Variants in SORCS3 observed in about 807,000 individuals in gnomAD.
SORCS3 encodes the protein VPS10 domain-containing receptor SorCS3.
SORCS3 carries 57 observed loss-of-function variants against 146.3 expected under a neutral mutation model. That is an observed-to-expected ratio of 0.39 (90% CI 0.31 to 0.49). The LOEUF (loss-of-function observed/expected upper bound fraction) is 0.49, where lower values mean the gene tolerates loss of function less well. Ranked by LOEUF, SORCS3 falls within the 20% of genes least tolerant of loss-of-function variation. SORCS3 has a pLI of 0.92. For synonymous variants in SORCS3, 653 were observed against 618.5 expected, an observed-to-expected ratio of 1.06 and a Z score of -0.83; for missense variants, 1,341 against 1,575.5, an observed-to-expected ratio of 0.85 and a Z score of 2.52.
chr10:104,699,299 G>T (rs1160023940), intron 1 of SORCS3, among the ~76,000 whole-genome samples: 2 of 152,138 alleles, frequency 1.3e-5, no homozygotes, highest in Admixed American at 6.5e-5. Flanking sequence ...AGCTCTTGAT[G>T]GGGGAGGTTC....
chr10:105,225,205 A>G (rs531328348), intron 20 of SORCS3, among the ~76,000 whole-genome samples: 2 of 152,078 alleles, frequency 1.3e-5, no homozygotes, highest in East Asian at 1.9e-4. Flanking sequence ...TAGGAGTTTT[A>G]TAGTTTTGAG....
intron 1 of SORCS3, among the ~76,000 whole-genome samples, chr10:104,737,469 T>G (rs1175193534): frequency 6.6e-6 from 1 of 152,214 alleles, no homozygotes; most frequent in African/African-American, 2.4e-5. Context: ...CTGATGGCCA[T>G]TCTAACTGGT....
At chr10:105,180,657 T>TA (rs1462332516) in intron 14 of SORCS3, among the ~76,000 whole-genome samples, 1 of 152,204 alleles carries the variant, frequency 6.6e-6, no homozygotes, top group Non-Finnish European at 1.5e-5. Flanking sequence ...TCTAAACTCA[T>TA]AGAATGGCCT....
chr10:104,658,498 T>TCTTGGCTCA (rs1197646986), intron 1 of SORCS3, among the ~76,000 whole-genome samples: 1 of 152,218 alleles, frequency 6.6e-6, no homozygotes, highest in African/African-American at 2.4e-5. Flanking sequence ...AATGGCATGA[T>TCTTGGCTCA]CTTGGCTCAC....
At chr10:105,207,567 C>T (rs1236529926) in intron 16 of SORCS3, among the ~76,000 whole-genome samples, 2 of 152,064 alleles carry the variant, frequency 1.3e-5, no homozygotes, top group Admixed American at 6.6e-5. Flanking sequence ...AATGCCTTTC[C>T]CCAGGAAGCT....
At chr10:104,771,828 T>TG (rs368860147) in intron 1 of SORCS3, among the ~76,000 whole-genome samples, 10 of 151,376 alleles carry the variant, frequency 6.6e-5, no homozygotes, top group African/African-American at 2.2e-4. Flanking sequence ...AGAAGGACGA[T>TG]GGGGGAGGGA....
chr10:104,753,076 A>G (rs780717036), intron 1 of SORCS3, among the ~76,000 whole-genome samples: 4 of 152,224 alleles, frequency 2.6e-5, no homozygotes, highest in Non-Finnish European at 5.9e-5. Context: ...TCACTGAAGT[A>G]GGAGTATGTT....
chr10:104,985,588 C>G (rs543121818), intron 4 of SORCS3, among the ~76,000 whole-genome samples: 5 of 152,070 alleles, frequency 3.3e-5, no homozygotes, highest in Non-Finnish European at 7.4e-5. Context: ...TTTACTTTGC[C>G]CAGATCCATC....
At chr10:105,111,160 G>A (rs1589637942) in intron 7 of SORCS3, among the ~76,000 whole-genome samples, 1 of 152,084 alleles carries the variant, frequency 6.6e-6, no homozygotes, top group African/African-American at 2.4e-5. Flanking sequence ...TACTGTATAT[G>A]CCTTTCTTAT....
At chr10:104,668,425 G>A (rs891326885) in intron 1 of SORCS3, among the ~76,000 whole-genome samples, 4 of 152,188 alleles carry the variant, frequency 2.6e-5, no homozygotes, top group African/African-American at 9.7e-5. Context: ...GAGTGAGAGA[G>A]ACAAGAGTTT....
Position 105,080,770 on chromosome 10 carries a change from T to C in SORCS3, c.1029-9005T>C, listed in dbSNP as rs192346894. ...CAATCTTCTGCATTTGGCTAGCCAGTTATCCCAGCACCAAAACAGCATGAT... is the reference window on the plus strand; with the variant it reads ...CAATCTTCTGCATTTGGCTAGCCAGCTATCCCAGCACCAAAACAGCATGAT... On this transcript the variant is annotated intron_variant, in intron 5 of 26. Coordinates refer to ENST00000369701, the MANE Select transcript of SORCS3 (RefSeq NM_014978.3). Among the ~76,000 whole-genome samples the C allele has an allele frequency of 3.2e-4, 49 of 152,250 alleles. 1 individual carries two copies. Among genetic ancestry groups the C allele is most frequent in the Admixed American group, 2.6e-3 (39 of 15,286 alleles).
rs1481251007 is a variant in SORCS3, at chr10:104,921,318, G to A, written c.795+5386G>A. Among the ~76,000 whole-genome samples, 5 of 152,190 alleles carry A rather than the reference G, an allele frequency of 3.3e-5. No homozygotes were observed. In the East Asian group the frequency reaches 9.7e-4, roughly 29 times the overall value. On this transcript the variant is annotated intron_variant, in intron 3 of 26. Transcript: ENST00000369701. ...CCCATGGGCGAGCTTATTTGAGAATGAATCTTTGAGTGGACAGAGAAATGC... is the reference window on the plus strand; with the variant it reads ...CCCATGGGCGAGCTTATTTGAGAATAAATCTTTGAGTGGACAGAGAAATGC...
intron 2 of SORCS3, among the ~76,000 whole-genome samples, chr10:104,890,030 AAAT>A (rs2133582219): frequency 1.3e-5 from 2 of 152,242 alleles, no homozygotes; most frequent in South Asian, 4.1e-4. Flanking sequence ...TGTTTCTATA[AAAT>A]AATCTTCTGT....
chr10:105,198,199 C>T (rs775980285), intron 14 of SORCS3, among the ~76,000 whole-genome samples: 13 of 152,112 alleles, frequency 8.5e-5, no homozygotes, highest in African/African-American at 1.7e-4. Context: ...TCTGACATGA[C>T]GTTTTTTGTG....
At chr10:104,985,099 T>C (rs565679600) in intron 4 of SORCS3, among the ~76,000 whole-genome samples, 149 of 152,282 alleles carry the variant, frequency 9.8e-4, no homozygotes, top group Admixed American at 3.8e-3. Flanking sequence ...TTCTGTAACA[T>C]GCAATGCTGT....
At position 105,232,412 on chromosome 10, in the gene SORCS3, A is replaced by C. The variant is rs562756820; in HGVS notation, c.2868+9163A>C. On this transcript the variant is annotated intron_variant, in intron 20 of 26. Transcript: ENST00000369701. ...CCCCTCTTTCATTTCGGATATTAGT[A>C]ATTTGTGTCCCCTCTCTTTTTTCTT... Among the ~76,000 whole-genome samples, 7 of 152,084 alleles carry C rather than the reference A, an allele frequency of 4.6e-5. No individual in the cohort carries two copies. The South Asian group carries it at 1.2e-3, about 27-fold the overall frequency.
At chr10:105,031,332 AACACACACAC>A (rs371026666) in intron 4 of SORCS3, among the ~76,000 whole-genome samples, 106 of 113,556 alleles carry the variant, frequency 9.3e-4, no homozygotes, top group Middle Eastern at 4.2e-3. Context: ...CACACACACA[AACACACACAC>A]ACACACACAC....
At chr10:104,936,055 A>T (rs952448264) in intron 3 of SORCS3, among the ~76,000 whole-genome samples, 39 of 152,172 alleles carry the variant, frequency 2.6e-4, no homozygotes, top group African/African-American at 9.2e-4. Context: ...AGACTGATAG[A>T]GTCCAGTATG....
intron 4 of SORCS3, among the ~76,000 whole-genome samples, chr10:105,038,288 T>C (rs2055318817): frequency 3.3e-5 from 5 of 152,236 alleles, no homozygotes; most frequent in Admixed American, 1.3e-4. Flanking sequence ...TTTATTTTAA[T>C]GTTGCATGAA....
Sources: allele counts gnomAD v4.1 joint callset (sites outside exome capture counted in the v4.1 genomes callset), GRCh38; gene constraint gnomAD v4.1.1; transcripts MANE v1.5; gene names NCBI Gene and HGNC (gene_info 2026-07-23, HGNC 2026-07-21).